The following HIVEP3 variants were observed in gnomAD, a reference collection of about 807,000 sequenced individuals.
HIVEP3 encodes transcription factor HIVEP3.
Under a neutral mutation model 152.8 loss-of-function variants are expected in HIVEP3, and 49 were observed. The ratio of observed to expected loss-of-function variants is 0.32; its 90% CI spans 0.26 to 0.41. The LOEUF (loss-of-function observed/expected upper bound fraction) is 0.41, where lower values mean the gene tolerates loss of function less well. Ranked by LOEUF, HIVEP3 falls within the 10% of genes least tolerant of loss-of-function variation. The pLI is 1.00. For synonymous variants in HIVEP3, 1,269 were observed against 1,289.0 expected (o/e 0.98, Z 0.33); for missense variants, 2,790 against 3,103.3 (o/e 0.90, Z 2.40).
intron 1 of HIVEP3, among the ~76,000 whole-genome samples, chr1:41,706,272 A>G (rs537177058): frequency 6.6e-6 from 1 of 152,000 alleles, no homozygotes; most frequent in Non-Finnish European, 1.5e-5. Context: ...GTCCGAATAC[A>G]TGTGTTTTAT....
chr1:41,652,433 A>T (rs894677682), intron 2 of HIVEP3, among the ~76,000 whole-genome samples: 4 of 152,254 alleles, frequency 2.6e-5, no homozygotes, highest in Non-Finnish European at 5.9e-5. Context: ...ATGCCTGGGG[A>T]CGTGCCTGGA....
At chr1:41,786,754 CTTTT>C (rs111637699) in intron 1 of HIVEP3, among the ~76,000 whole-genome samples, 1 of 140,912 alleles carries the variant, frequency 7.1e-6, no homozygotes. Flanking sequence ...AATTTTCTTT[CTTTT>C]TTTTTTTTTT....
intron 1 of HIVEP3, among the ~76,000 whole-genome samples, chr1:41,779,070 A>T (rs936636514): frequency 2.0e-5 from 3 of 152,358 alleles, no homozygotes; most frequent in Non-Finnish European, 4.4e-5. Context: ...TTCCTCCTGC[A>T]TCTTTGGGCC....
At chr1:41,945,577 T>C (rs1049082223) in intron 1 of HIVEP3, among the ~76,000 whole-genome samples, 1 of 152,076 alleles carries the variant, frequency 6.6e-6, no homozygotes, top group East Asian at 1.9e-4. Context: ...AGGTCAATGA[T>C]AGGATGACAA....
chr1:41,530,869 G>A (rs1643224037), intron 5 of HIVEP3, among the ~76,000 whole-genome samples: 1 of 152,212 alleles, frequency 6.6e-6, no homozygotes, highest in Non-Finnish European at 1.5e-5. Context: ...AGGGGAGGGA[G>A]AGAGAGGACT....
At chr1:41,638,403 AAAGG>A (rs1029032182) in intron 2 of HIVEP3, among the ~76,000 whole-genome samples, 2 of 151,362 alleles carry the variant, frequency 1.3e-5, no homozygotes, top group African/African-American at 2.4e-5. Flanking sequence ...GAAAAGAAAG[AAAGG>A]AAGGAAGTAA....
chr1:41,597,882 A>T (rs563433078), intron 3 of HIVEP3, among the ~76,000 whole-genome samples: 1 of 152,288 alleles, frequency 6.6e-6, no homozygotes, highest in East Asian at 1.9e-4. Context: ...TCACCTACAC[A>T]CATCTACAAA....
chr1:41,573,466 G>A (rs894118988), intron 5 of HIVEP3, among the ~76,000 whole-genome samples: 8 of 152,162 alleles, frequency 5.3e-5, no homozygotes, highest in South Asian at 4.1e-4. Flanking sequence ...AGCCAGGCTG[G>A]GGGAGGAAAG....
chr1:41,565,527 G>GACAC (rs56139506), intron 5 of HIVEP3, among the ~76,000 whole-genome samples: 2,245 of 137,336 alleles, frequency 0.016, 41 homozygotes, highest in African/African-American at 0.046. Context: ...AAAACTGAAA[G>GACAC]ACACACACAC....
chr1:41,781,351 C>T (rs760306755), intron 1 of HIVEP3, among the ~76,000 whole-genome samples: 6 of 152,210 alleles, frequency 3.9e-5, no homozygotes, highest in Non-Finnish European at 7.3e-5. Context: ...ACACTAAACC[C>T]TAAATGCCAT....
At chr1:41,759,045 A>G (rs1329445033) in intron 1 of HIVEP3, among the ~76,000 whole-genome samples, 1 of 152,138 alleles carries the variant, frequency 6.6e-6, no homozygotes, top group Non-Finnish European at 1.5e-5. Context: ...ATCAAGGTCC[A>G]GAACTTTTTG....
chr1:41,735,339 A>C (rs1646900939), intron 1 of HIVEP3, among the ~76,000 whole-genome samples: 1 of 152,216 alleles, frequency 6.6e-6, no homozygotes, highest in Non-Finnish European at 1.5e-5. Flanking sequence ...ACGATGGTGA[A>C]GAAGATGATG....
chr1:41,590,653 C>A (rs757060719), intron 3 of HIVEP3, among the ~76,000 whole-genome samples: 1 of 152,214 alleles, frequency 6.6e-6, no homozygotes, highest in Non-Finnish European at 1.5e-5. Context: ...TGAACAAATA[C>A]ACTAACTCAT....
chr1:41,703,368 G>C (rs1052815823), intron 1 of HIVEP3, among the ~76,000 whole-genome samples: 1 of 152,210 alleles, frequency 6.6e-6, no homozygotes. Context: ...TAAGGGCAGA[G>C]ACTATGAGAG....
At chr1:41,901,317 A>G (rs783622) in intron 1 of HIVEP3, among the ~76,000 whole-genome samples, 80,781 of 151,748 alleles carry the variant, frequency 0.53, 21,673 homozygotes, top group Middle Eastern at 0.58. Context: ...ATCTAAGTGG[A>G]GATGCTAAGA....
rs1358924777 is a variant in HIVEP3 at position 41,509,625 on chromosome 1, G to A, written c.*826C>T. ...CTCCTTCCCCAGCCCAGGGGGCCAG[G>A]GTGGGGTGCAGAAGGGAGGTGTCTG... On this transcript the variant is annotated 3_prime_UTR_variant, in exon 9 of 9. Coordinates refer to ENST00000372583, the MANE Select transcript of HIVEP3 (RefSeq NM_024503.5). 1 of 152,014 alleles carries A rather than the reference G, an allele frequency of 6.6e-6. No individual in the cohort carries two copies. The highest frequency in any genetic ancestry group is 1.5e-5 in the Non-Finnish European group (1 of 68,040). 9.4% of individuals were successfully genotyped at this position (152,014 alleles called of 1,614,324 possible). A position where few individuals can be genotyped will look rare whatever the true frequency, so the allele number is the denominator to read the frequency against.
intron 1 of HIVEP3, among the ~76,000 whole-genome samples, chr1:41,863,368 G>A (rs1183895842): frequency 6.6e-6 from 1 of 152,194 alleles, no homozygotes; most frequent in African/African-American, 2.4e-5. Flanking sequence ...CCTGGAATCT[G>A]CAGTTATTTC....
chr1:41,884,181 G>A (rs1644306860), intron 1 of HIVEP3, among the ~76,000 whole-genome samples: 1 of 152,142 alleles, frequency 6.6e-6, no homozygotes, highest in Non-Finnish European at 1.5e-5. Context: ...GGCCAGGCTG[G>A]TCTCGAACAC....
intron 1 of HIVEP3, among the ~76,000 whole-genome samples, chr1:42,033,169 G>C (rs1254199996): frequency 1.3e-5 from 2 of 152,012 alleles, no homozygotes; most frequent in Non-Finnish European, 2.9e-5. Flanking sequence ...CATGATTCTG[G>C]GAACTCTTTG....
Sources: gnomAD v4.1 joint callset for allele counts (sites outside exome capture counted in the v4.1 genomes callset) on GRCh38, gnomAD v4.1.1 for gene constraint, MANE v1.5 for transcripts, NCBI Gene and HGNC (gene_info 2026-07-23, HGNC 2026-07-21) for gene names.